The following TRMU variants were observed in gnomAD, a reference collection of about 807,000 sequenced individuals.
The protein encoded by TRMU is mitochondrial tRNA-specific 2-thiouridylase 1.
Under a neutral mutation model 46.9 loss-of-function variants are expected in TRMU, and 49 were observed. The observed-to-expected ratio is 1.05, with a 90% CI of 0.83 to 1.33. The LOEUF is 1.33. Among genes scored for constraint, TRMU ranks in the 40% most tolerant of loss-of-function variants. The probability of loss-of-function intolerance (pLI) is 0.00; values close to 1 mark genes in which losing one functional copy is unlikely to be tolerated. For missense variants in TRMU, 572 were observed against 532.4 expected, an observed-to-expected ratio of 1.07 and a Z score of -0.73; for synonymous variants, 241 against 200.9, an observed-to-expected ratio of 1.20 and a Z score of -1.69.
chr22:46,357,204 G>T lies in TRMU; in HGVS notation c.*198G>T. The T allele has an allele frequency of 1.4e-6, 1 of 713,088 alleles. No homozygotes were observed. Among genetic ancestry groups the T allele is most frequent in the Non-Finnish European group, 2.3e-6 (1 of 431,782 alleles). The allele number at this position is 713,088 out of a possible 1,614,324, so 44.2% of individuals were successfully genotyped here. ...CTCCAGGCTGGGGCTCTGGCTGCTG[G>T]AGCATCTGCTGGCTGGTGGGGTGGC... On this transcript the variant is annotated 3_prime_UTR_variant, in exon 11 of 11. Coordinates refer to ENST00000645190, the MANE Select transcript of TRMU (RefSeq NM_018006.5).
intron 1 of TRMU, among the ~76,000 whole-genome samples, chr22:46,337,430 A>C (rs1201390211): frequency 6.6e-6 from 1 of 152,178 alleles, no homozygotes; most frequent in African/African-American, 2.4e-5. Flanking sequence ...TTTTGAAAAG[A>C]GTTTCCTTTT....
intron 2 of TRMU, among the ~76,000 whole-genome samples, chr22:46,340,160 C>T (rs1329027460): frequency 6.6e-6 from 1 of 151,994 alleles, no homozygotes; most frequent in Non-Finnish European, 1.5e-5. Context: ...TGGGGGCGGC[C>T]CTGGAATCTG....
At position 46,353,859 on chromosome 22, in the gene TRMU, G is replaced by A. The variant is rs886057611; in HGVS notation, c.865G>A (p.Val289Met). The A allele has an allele frequency of 1.1e-5, 17 of 1,613,472 alleles. No homozygotes were observed. Among genetic ancestry groups the A allele is most frequent in the African/African-American group, 2.7e-5 (2 of 74,890 alleles). ...GGAGAAGGACAGCGTCAAGGGTGACGTGTTTGTGGTGAGTGGGCCGGCCTC... is the reference window on the plus strand; with the variant it reads ...GGAGAAGGACAGCGTCAAGGGTGACATGTTTGTGGTGAGTGGGCCGGCCTC... The part of the protein sequence containing the change: ...VVEKDSVKGD[V>M]FVAPRTDHPA... The change falls in exon 8 of 11, where the codon GTG (valine) becomes ATG (methionine). Residue 289 changes from valine (V) to methionine (M), a missense_variant. Val to Met is a conservative substitution (Grantham distance 21). Coordinates refer to ENST00000645190, the MANE Select transcript of TRMU (RefSeq NM_018006.5).
At position 46,357,028 on chromosome 22, in the gene TRMU, G is replaced by A. The variant is rs2078634779; in HGVS notation, c.*22G>A. On this transcript the variant is annotated 3_prime_UTR_variant, in exon 11 of 11. Transcript: ENST00000645190. ...CTGACAGAGATGGATCTGCTAGAAGGAACCTGGAGAGCAGGACCCATGGCT... is the reference window on the plus strand; with the variant it reads ...CTGACAGAGATGGATCTGCTAGAAGAAACCTGGAGAGCAGGACCCATGGCT... 4 of 1,613,104 alleles carry A rather than the reference G, an allele frequency of 2.5e-6. No homozygotes were observed. The highest frequency in any genetic ancestry group is 2.2e-5 in the East Asian group (1 of 44,892).
At position 46,355,525 on chromosome 22, in the gene TRMU, G is replaced by C. The variant is rs369708014; in HGVS notation, c.955G>C (p.Ala319Pro). Residue 319 changes from alanine (A) to proline (P), a missense_variant, in exon 9 of 11, where the codon GCA becomes CCA. Transcript: ENST00000645190. Reference sequence around the variant, plus strand: ...GCACTGGATTGCGGAGGAGCCTCCCGCAGCACTGGTCCGGGACAAGATGAT... The same window carrying C: ...GCACTGGATTGCGGAGGAGCCTCCCCCAGCACTGGTCCGGGACAAGATGAT... ...RVHWIAEEPP[A>P]ALVRDKMMEC... 1 of 1,613,122 alleles carries C rather than the reference G, an allele frequency of 6.2e-7. No homozygotes were observed. Among genetic ancestry groups the C allele is most frequent in the African/African-American group, 1.3e-5 (1 of 74,930 alleles).
At chr22:46,335,892 CG>C in intron 1 of TRMU, 46 bp downstream of exon 1, 1 of 1,531,388 alleles carries the variant, frequency 6.5e-7, no homozygotes, top group South Asian at 1.2e-5. Context: ...AATGTGTCCC[CG>C]GAAACCTGTC....
rs1601930549 is a variant in TRMU at position 46,336,236 on chromosome 22, C to T, written c.82+390C>T. 3.3e-6 allele frequency: 3 copies of T among 897,916 alleles called. No homozygotes were observed. The highest frequency in any genetic ancestry group is 2.8e-6 in the Non-Finnish European group (2 of 717,218). 55.6% of individuals were successfully genotyped at this position (897,916 alleles called of 1,614,324 possible). ...GGGATCGCCGGGCCGGGGGCCTGAC[C>T]TCTGCACACGCTGTGGCCGCCCGGT... On this transcript the variant is annotated intron_variant, in intron 1 of 10. Coordinates refer to ENST00000645190, the MANE Select transcript of TRMU (RefSeq NM_018006.5). The surrounding 1 kb of genome is among the most constrained non-coding windows in gnomAD (Gnocchi z 4.1).
rs1406038671 is a variant in TRMU at position 46,338,983 on chromosome 22, C to T, written c.248+1039C>T. Among the ~76,000 whole-genome samples, 2 of 151,858 alleles carry T rather than the reference C, an allele frequency of 1.3e-5. No individual in the cohort carries two copies. On this transcript the variant is annotated intron_variant, in intron 2 of 10. Coordinates refer to ENST00000645190, the MANE Select transcript of TRMU (RefSeq NM_018006.5). This position sits in a 1 kb window ranked among gnomAD's most constrained non-coding sequence, Gnocchi z 4.5. Reference sequence around the variant, plus strand: ...AATTGAAAAAAATTCTCTTTTTTTCCTGCCAACAAAGACCCAGAAGAGATA... The same window carrying T: ...AATTGAAAAAAATTCTCTTTTTTTCTTGCCAACAAAGACCCAGAAGAGATA...
intron 8 of TRMU, chr22:46,354,848 G>C (rs1198846226): frequency 6.3e-6 from 1 of 158,462 alleles, no homozygotes; most frequent in African/African-American, 2.4e-5. Flanking sequence ...CACAATCCCA[G>C]GAGGTGCCAG....
rs2078048420 is a variant in TRMU at position 46,338,848 on chromosome 22, G to A, written c.248+904G>A. 6.6e-6 allele frequency among the ~76,000 whole-genome samples: 1 copy of A among 152,230 alleles called. No individual in the cohort carries two copies. The highest frequency in any genetic ancestry group is 2.4e-5 in the African/African-American group (1 of 41,450). ...TCTGACACAGCAGGCCATGTGCGCG[G>A]GACAGGCTGCCCCTGCCTGAGTGGG... On this transcript the variant is annotated intron_variant, in intron 2 of 10. Coordinates refer to ENST00000645190, the MANE Select transcript of TRMU (RefSeq NM_018006.5). The surrounding 1 kb of genome is among the most constrained non-coding windows in gnomAD (Gnocchi z 4.5).
Position 46,355,524 on chromosome 22 carries a change from C to A in TRMU, c.954C>A (p.Pro318=). 6.2e-7 allele frequency: 1 copy of A among 1,613,266 alleles called. No homozygotes were observed. The highest frequency in any genetic ancestry group is 8.5e-7 in the Non-Finnish European group (1 of 1,180,030). The change falls in exon 9 of 11, where the codon CCC becomes CCA. Residue 318 remains proline (P), a synonymous_variant. Coordinates refer to ENST00000645190, the MANE Select transcript of TRMU (RefSeq NM_018006.5). ...TGCACTGGATTGCGGAGGAGCCTCC[C>A]GCAGCACTGGTCCGGGACAAGATGA... The part of the protein sequence containing the change: ...SRVHWIAEEP[P]AALVRDKMME...
chr22:46,343,012 A>G (rs1341280732), intron 2 of TRMU, among the ~76,000 whole-genome samples: 1 of 152,224 alleles, frequency 6.6e-6, no homozygotes, highest in African/African-American at 2.4e-5. Flanking sequence ...TCCTGACCCC[A>G]TAAGCCCTGT....
At position 46,351,392 on chromosome 22, in the gene TRMU, C is replaced by T. The variant is rs533302721; in HGVS notation, c.652-729C>T. 2.6e-5 allele frequency among the ~76,000 whole-genome samples: 4 copies of T among 152,176 alleles called. No homozygotes were observed. Among genetic ancestry groups the T allele is most frequent in the Middle Eastern group, 3.4e-3 (1 of 294 alleles). Reference sequence around the variant, plus strand: ...GTGGGAGGGCCTTGGGGATGGAGGGCGAGGGCGCTGTGGGATGAGCCTCAC... The same window carrying T: ...GTGGGAGGGCCTTGGGGATGGAGGGTGAGGGCGCTGTGGGATGAGCCTCAC... On this transcript the variant is annotated intron_variant, in intron 5 of 10. Coordinates refer to ENST00000645190, the MANE Select transcript of TRMU (RefSeq NM_018006.5). This position sits in a 1 kb window ranked among gnomAD's most constrained non-coding sequence, Gnocchi z 6.4.
At chr22:46,353,690 A>G in intron 7 of TRMU, 77 bp from the exon 8 acceptor site, 1 of 1,382,382 alleles carries the variant, frequency 7.2e-7, no homozygotes, top group Non-Finnish European at 1.0e-6. Flanking sequence ...CCCTCCCAGC[A>G]TCTGCCTTCA....
Position 46,352,685 on chromosome 22 carries a change from G to A in TRMU, c.772+355G>A, listed in dbSNP as rs536457567. On this transcript the variant is annotated intron_variant, in intron 7 of 10. Transcript: ENST00000645190. ...ACAAAACTCCACTCTGATTCAGGGAGTAAGGTGGACGTCCCGGCATGGTGT... is the reference window on the plus strand; with the variant it reads ...ACAAAACTCCACTCTGATTCAGGGAATAAGGTGGACGTCCCGGCATGGTGT... 2.1e-5 allele frequency: 8 copies of A among 383,350 alleles called. No homozygotes were observed. The East Asian group carries it at 5.0e-4, about 24-fold the overall frequency. 23.7% of individuals were successfully genotyped at this position (383,350 alleles called of 1,614,324 possible). A position where few individuals can be genotyped will look rare whatever the true frequency, so the allele number is the denominator to read the frequency against.
Position 46,347,927 on chromosome 22 carries a change from A to G in TRMU, c.478+1383A>G, listed in dbSNP as rs183504872. ...GGTCAAGGGAGCCCTGAGTGTGCCA[A>G]CAGTCGTCTGCCGCCCTCTGTTCCC... On this transcript the variant is annotated intron_variant, in intron 4 of 10. Coordinates refer to ENST00000645190, the MANE Select transcript of TRMU (RefSeq NM_018006.5). The surrounding 1 kb of genome is among the most constrained non-coding windows in gnomAD (Gnocchi z 5.0). 6.3e-3 allele frequency among the ~76,000 whole-genome samples: 961 copies of G among 152,282 alleles called. 15 individuals are homozygous for G. Among genetic ancestry groups the G allele is most frequent in the African/African-American group, 0.023 (941 of 41,560 alleles).
rs541976313 is a variant in TRMU at position 46,349,617 on chromosome 22, A to G, written c.479-674A>G. On this transcript the variant is annotated intron_variant, in intron 4 of 10. Coordinates refer to ENST00000645190, the MANE Select transcript of TRMU (RefSeq NM_018006.5). The surrounding 1 kb of genome is among the most constrained non-coding windows in gnomAD (Gnocchi z 4.6). ...ATTGAACTCGAGAGTGGAGAACTGG[A>G]CGGTTCTAAGCCAGGTTTACTCACA... Among the ~76,000 whole-genome samples, 2 of 152,224 alleles carry G rather than the reference A, an allele frequency of 1.3e-5. No homozygotes were observed. Among genetic ancestry groups the G allele is most frequent in the South Asian group, 4.1e-4 (2 of 4,826 alleles).
At chr22:46,353,534 CTTCT>C (rs1309222973) in intron 7 of TRMU, 9 of 459,686 alleles carry the variant, frequency 2.0e-5, no homozygotes, top group Non-Finnish European at 3.3e-5. Context: ...CACAAGGTGC[CTTCT>C]TTGTGGCCAC....
rs537425700 is a variant in TRMU, at chr22:46,357,118, C to A, written c.*112C>A. ...TGCTGCTGCCCAAAGCAGAGGAAGC[C>A]GGGCTGGCTGAGGGTCCGAAAAGCC... On this transcript the variant is annotated 3_prime_UTR_variant, in exon 11 of 11. Transcript: ENST00000645190. 3 of 1,492,730 alleles carry A rather than the reference C, an allele frequency of 2.0e-6. No homozygotes were observed. The highest frequency in any genetic ancestry group is 1.8e-6 in the Non-Finnish European group (2 of 1,097,148). The allele number at this position is 1,492,730 out of a possible 1,614,324, so 92.5% of individuals were successfully genotyped here. A position where few individuals can be genotyped will look rare whatever the true frequency, so the allele number is the denominator to read the frequency against.
Sources: allele counts gnomAD v4.1 joint callset (sites outside exome capture counted in the v4.1 genomes callset), GRCh38; gene constraint gnomAD v4.1.1; non-coding constraint Gnocchi (gnomAD v3.1); transcripts MANE v1.5; gene names NCBI Gene and HGNC (gene_info 2026-07-23, HGNC 2026-07-21).